The following PAFAH1B1 variants were observed in gnomAD, a reference collection of about 807,000 sequenced individuals.
PAFAH1B1 encodes platelet activating factor acetylhydrolase 1b regulatory subunit 1, also known as platelet-activating factor acetylhydrolase IB subunit beta.
In PAFAH1B1, 2 loss-of-function variants were observed where a neutral mutation model predicts 57.5. The observed-to-expected ratio is 0.03, with a 90% CI of 0.01 to 0.11. The LOEUF is 0.11. Among genes scored for constraint, PAFAH1B1 ranks in the 10% least tolerant of loss-of-function variants. The pLI, the probability that PAFAH1B1 is intolerant of heterozygous loss-of-function variation, is 1.00. For synonymous variants in PAFAH1B1, 152 were observed against 169.6 expected (o/e 0.90, Z 0.81); for missense variants, 257 against 512.0 (o/e 0.50, Z 4.81).
chr17:2,649,420 A>G (rs2068819092), intron 2 of PAFAH1B1, among the ~76,000 whole-genome samples: 1 of 151,762 alleles, frequency 6.6e-6, no homozygotes, highest in Non-Finnish European at 1.5e-5. Context: ...TAAAAATACA[A>G]AAATCTAGCC....
At chr17:2,679,081 G>C (rs562282055) in intron 9 of PAFAH1B1, among the ~76,000 whole-genome samples, 1 of 152,300 alleles carries the variant, frequency 6.6e-6, no homozygotes, top group African/African-American at 2.4e-5. Context: ...CAACTGTGCA[G>C]TTCTAAGCCT....
At chr17:2,593,235 G>C (rs999747906), upstream of PAFAH1B1, 2 of 152,192 alleles carry the variant, frequency 1.3e-5, no homozygotes, top group East Asian at 1.9e-4. Flanking sequence ...GTAGGTGGCC[G>C]GGCCCCGCTG....
At chr17:2,609,096 T>C (rs767823928) in intron 1 of PAFAH1B1, among the ~76,000 whole-genome samples, 2 of 152,208 alleles carry the variant, frequency 1.3e-5, no homozygotes, top group Non-Finnish European at 2.9e-5. Context: ...CCTGAAAAAT[T>C]AGGAGCTCTG....
chr17:2,626,013 G>A (rs1214900766), intron 1 of PAFAH1B1, among the ~76,000 whole-genome samples: 2 of 152,160 alleles, frequency 1.3e-5, no homozygotes, highest in East Asian at 3.9e-4. Context: ...CACTTTGGGA[G>A]GCCAAGGCAG....
At chr17:2,633,254 G>C (rs1432772895) in intron 1 of PAFAH1B1, among the ~76,000 whole-genome samples, 1 of 149,894 alleles carries the variant, frequency 6.7e-6, no homozygotes, top group Non-Finnish European at 1.5e-5. Context: ...TGCAACCTCC[G>C]TCTCCTGGGT....
intron 2 of PAFAH1B1, chr17:2,642,355 G>A (rs1226811337): frequency 6.6e-6 from 1 of 152,072 alleles, no homozygotes; most frequent in East Asian, 1.9e-4. Flanking sequence ...CATGTGACAA[G>A]TTGCAAATGT....
At chr17:2,662,372 A>G (rs1485919499) in intron 2 of PAFAH1B1, among the ~76,000 whole-genome samples, 1 of 101,912 alleles carries the variant, frequency 9.8e-6, no homozygotes, top group Admixed American at 1.0e-4. Context: ...TATTTTTTTA[A>G]CCTCTTTGTG....
intron 1 of PAFAH1B1, among the ~76,000 whole-genome samples, chr17:2,636,267 G>GTGAT (rs1486079669): frequency 7.2e-5 from 11 of 152,162 alleles, no homozygotes; most frequent in African/African-American, 2.4e-5. Flanking sequence ...TGGAGTGATA[G>GTGAT]TGATGGCTTT....
At chr17:2,644,483 C>T (rs1019617040) in intron 2 of PAFAH1B1, among the ~76,000 whole-genome samples, 3 of 151,720 alleles carry the variant, frequency 2.0e-5, no homozygotes, top group African/African-American at 4.9e-5. Flanking sequence ...GCGGAGGTTG[C>T]GGTGAGCCGC....
At chr17:2,676,822 G>A (rs987290200) in intron 9 of PAFAH1B1, among the ~76,000 whole-genome samples, 3 of 152,116 alleles carry the variant, frequency 2.0e-5, no homozygotes, top group Non-Finnish European at 4.4e-5. Context: ...AGAGCCAGTC[G>A]GTGTTTGAGG....
At chr17:2,679,721 G>A (rs2069347526) in intron 9 of PAFAH1B1, 1 of 213,032 alleles carries the variant, frequency 4.7e-6, no homozygotes, top group African/African-American at 2.4e-5. Context: ...GTTACCATTT[G>A]TTGGTTTTCC....
intron 4 of PAFAH1B1, 116 bp downstream of exon 4, chr17:2,666,206 A>G: frequency 9.8e-7 from 1 of 1,021,660 alleles, no homozygotes; most frequent in African/African-American, 1.6e-5. Flanking sequence ...GCAAATAAAA[A>G]TACATTTTTT....
chr17:2,604,433 CTG>C (rs1052029600), intron 1 of PAFAH1B1, among the ~76,000 whole-genome samples: 8 of 152,154 alleles, frequency 5.3e-5, no homozygotes, highest in African/African-American at 1.9e-4. Context: ...TGTATGTGAC[CTG>C]TGTCATTTAG....
rs546746307 is a variant in PAFAH1B1, at chr17:2,633,527, GTATC to G, written c.-190-4569_-190-4566del. On this transcript the variant is annotated intron_variant, in intron 1 of 10. Coordinates refer to ENST00000397195, the MANE Select transcript of PAFAH1B1 (RefSeq NM_000430.4). ...TCATACCTAGACTATCAGGATTTAAGTATCTAATTTGGCTGGGGGAAGAAAGAGA... is the reference window on the plus strand; with the variant it reads ...TCATACCTAGACTATCAGGATTTAAGTAATTTGGCTGGGGGAAGAAAGAGA... Among the ~76,000 whole-genome samples the G allele has an allele frequency of 3.3e-5, 5 of 151,488 alleles. No homozygotes were observed. In the South Asian group the frequency reaches 1.0e-3, roughly 32 times the overall value.
rs2069457115 is a variant in PAFAH1B1, at chr17:2,685,243, A to C, written c.*3441A>C. ...GGCCTTTTTATCTTCCCACTGTATCATGGAAGTAGCTGCTTGCTTGTACTG... is the reference window on the plus strand; with the variant it reads ...GGCCTTTTTATCTTCCCACTGTATCCTGGAAGTAGCTGCTTGCTTGTACTG... On this transcript the variant is annotated 3_prime_UTR_variant, in exon 11 of 11. Coordinates refer to ENST00000397195, the MANE Select transcript of PAFAH1B1 (RefSeq NM_000430.4). 6.6e-6 allele frequency: 1 copy of C among 152,560 alleles called. No individual in the cohort carries two copies. The highest frequency in any genetic ancestry group is 1.5e-5 in the Non-Finnish European group (1 of 68,046). 9.5% of individuals were successfully genotyped at this position (152,560 alleles called of 1,614,324 possible). A position where few individuals can be genotyped will look rare whatever the true frequency, so the allele number is the denominator to read the frequency against.
At chr17:2,674,729 A>G (rs1191742786) in intron 8 of PAFAH1B1, among the ~76,000 whole-genome samples, 2 of 152,228 alleles carry the variant, frequency 1.3e-5, no homozygotes, top group African/African-American at 4.8e-5. Context: ...GTTTTTTTAA[A>G]TGAAGACTAA....
chr17:2,656,521 A>G (rs1476502882), intron 2 of PAFAH1B1, among the ~76,000 whole-genome samples: 1 of 151,982 alleles, frequency 6.6e-6, no homozygotes, highest in Non-Finnish European at 1.5e-5. Context: ...GTGAATGACT[A>G]CCATATACTA....
At chr17:2,600,972 T>C (rs1166256179) in intron 1 of PAFAH1B1, among the ~76,000 whole-genome samples, 1 of 152,066 alleles carries the variant, frequency 6.6e-6, no homozygotes, top group Non-Finnish European at 1.5e-5. Context: ...CCTCAGGTGA[T>C]CTACCCACTT....
At chr17:2,624,328 C>T (rs1478268672) in intron 1 of PAFAH1B1, among the ~76,000 whole-genome samples, 1 of 152,192 alleles carries the variant, frequency 6.6e-6, no homozygotes, top group East Asian at 1.9e-4. Context: ...AAGTCACTTC[C>T]TCATTTCCGG....
Sources: allele counts gnomAD v4.1 joint callset (sites outside exome capture counted in the v4.1 genomes callset), GRCh38; gene constraint gnomAD v4.1.1; transcripts MANE v1.5; gene names NCBI Gene and HGNC (gene_info 2026-07-23, HGNC 2026-07-21).